ASXL3: variants seen among roughly 807,000 people sequenced by gnomAD.
ASXL3 encodes ASXL transcriptional regulator 3, also known as putative Polycomb group protein ASXL3.
A neutral mutation model predicts 170.6 loss-of-function variants in ASXL3; 34 were observed. The observed-to-expected ratio is 0.20, with a 90% CI of 0.15 to 0.27. The LOEUF (loss-of-function observed/expected upper bound fraction) is 0.27. Ranked by LOEUF, ASXL3 falls within the 10% of genes least tolerant of loss-of-function variation. The pLI, the probability that ASXL3 is intolerant of heterozygous loss-of-function variation, is 1.00. For synonymous variants in ASXL3, 1,002 were observed against 989.1 expected (o/e 1.01, Z -0.24); for missense variants, 2,592 against 2,695.3 (o/e 0.96, Z 0.85).
At chr18:33,724,944 T>G (rs1353397654) in intron 8 of ASXL3, among the ~76,000 whole-genome samples, 2 of 152,162 alleles carry the variant, frequency 1.3e-5, no homozygotes, top group Admixed American at 6.6e-5. Context: ...TATCTTTATG[T>G]TATTCTAAAG....
At chr18:33,698,931 C>A (rs571677910) in intron 8 of ASXL3, among the ~76,000 whole-genome samples, 2 of 152,174 alleles carry the variant, frequency 1.3e-5, no homozygotes, top group Admixed American at 1.3e-4. Context: ...GTGCTCATGG[C>A]CAAGGCTGTG....
intron 10 of ASXL3, among the ~76,000 whole-genome samples, chr18:33,735,937 T>G (rs2067538258): frequency 6.6e-6 from 1 of 152,148 alleles, no homozygotes; most frequent in African/African-American, 2.4e-5. Flanking sequence ...CAGAGAGCTT[T>G]CTTTCATGCA....
At chr18:33,600,421 T>A (rs918598858) in intron 1 of ASXL3, among the ~76,000 whole-genome samples, 3 of 152,140 alleles carry the variant, frequency 2.0e-5, no homozygotes, top group Non-Finnish European at 4.4e-5. Flanking sequence ...CTTGAAGTAC[T>A]GAAAAAACTT....
intron 5 of ASXL3, among the ~76,000 whole-genome samples, chr18:33,666,077 T>C (rs1336682729): frequency 1.3e-5 from 2 of 152,192 alleles, no homozygotes; most frequent in Admixed American, 1.3e-4. Context: ...GTTTGGACAG[T>C]GGAACATTAT....
chr18:33,608,211 C>A lies in ASXL3; in HGVS notation c.137+535C>A, dbSNP rs200962762. Among the ~76,000 whole-genome samples the A allele has an allele frequency of 3.9e-5, 6 of 151,988 alleles. No individual in the cohort carries two copies. In the East Asian group the frequency reaches 1.2e-3, roughly 30 times the overall value. ...TTATATTCACAAAGTTCTGCATCAT[C>A]AACATTATCAAACTTTAGAACATTT... On this transcript the variant is annotated intron_variant, in intron 2 of 11. Transcript: ENST00000269197.
At chr18:33,614,965 T>A (rs2065400353) in intron 2 of ASXL3, 1 of 152,134 alleles carries the variant, frequency 6.6e-6, no homozygotes, top group Admixed American at 6.6e-5. Flanking sequence ...AATGTTTAAG[T>A]GCTCTGGGAT....
rs184132563 is a variant in ASXL3 at position 33,609,037 on chromosome 18, A to G, written c.137+1361A>G. On this transcript the variant is annotated intron_variant, in intron 2 of 11. Coordinates refer to ENST00000269197, the MANE Select transcript of ASXL3 (RefSeq NM_030632.3). ...AATATAACCACGCTGTGTTTGTGCT[A>G]GTTGTTCCCCCAGAAAGTGGAGGCA... 1.6e-5 allele frequency: 16 copies of G among 984,852 alleles called. No individual in the cohort carries two copies. The African/African-American group carries it at 2.4e-4, about 15-fold the overall frequency. The allele number at this position is 984,852 out of a possible 1,614,324, so 61.0% of individuals were successfully genotyped here. A position where few individuals can be genotyped will look rare whatever the true frequency, so the allele number is the denominator to read the frequency against.
At chr18:33,593,522 G>C (rs2065098430) in intron 1 of ASXL3, among the ~76,000 whole-genome samples, 1 of 151,952 alleles carries the variant, frequency 6.6e-6, no homozygotes. Context: ...AAGAAAACTG[G>C]TCTTGAAAGC....
chr18:33,646,619 C>T (rs145174229), intron 4 of ASXL3, among the ~76,000 whole-genome samples: 7 of 151,810 alleles, frequency 4.6e-5, no homozygotes, highest in Non-Finnish European at 8.8e-5. Flanking sequence ...ACATATTTCT[C>T]CTGCAAAGTG....
chr18:33,661,246 T>A (rs150818174), intron 4 of ASXL3, among the ~76,000 whole-genome samples: 1 of 152,238 alleles, frequency 6.6e-6, no homozygotes, highest in African/African-American at 2.4e-5. Context: ...TATTGTTTTT[T>A]TTTGTTTGTT....
At chr18:33,642,880 G>A (rs17554042) in intron 2 of ASXL3, among the ~76,000 whole-genome samples, 12,384 of 151,748 alleles carry the variant, frequency 0.082, 575 homozygotes, top group African/African-American at 0.1. Flanking sequence ...GTACTTAGTC[G>A]TTGCCTTTAA....
intron 2 of ASXL3, among the ~76,000 whole-genome samples, chr18:33,638,729 C>T (rs532920402): frequency 6.6e-6 from 1 of 152,144 alleles, no homozygotes; most frequent in African/African-American, 2.4e-5. Context: ...ATCTCTGAAT[C>T]TCAGTCATGT....
intron 4 of ASXL3, among the ~76,000 whole-genome samples, chr18:33,660,229 G>A (rs1238085466): frequency 6.6e-6 from 1 of 152,034 alleles, no homozygotes; most frequent in Non-Finnish European, 1.5e-5. Flanking sequence ...AAAGCTGCAA[G>A]GATTAAATCA....
intron 1 of ASXL3, among the ~76,000 whole-genome samples, chr18:33,593,351 AGATTC>A (rs1168333099): frequency 6.9e-6 from 1 of 144,168 alleles, no homozygotes; most frequent in Non-Finnish European, 1.5e-5. Flanking sequence ...TCTGTCTCAG[AGATTC>A]CAGTCTATGT....
chr18:33,611,301 CAT>C (rs778122957), intron 2 of ASXL3, among the ~76,000 whole-genome samples: 9 of 151,824 alleles, frequency 5.9e-5, no homozygotes, highest in Admixed American at 4.6e-4. Context: ...GTCAGAAGGA[CAT>C]GTGGTTTTGT....
At chr18:33,702,463 A>G (rs2066889014) in intron 8 of ASXL3, among the ~76,000 whole-genome samples, 1 of 152,196 alleles carries the variant, frequency 6.6e-6, no homozygotes, top group Non-Finnish European at 1.5e-5. Context: ...ATGAAGGGGC[A>G]CAGCCTTGGT....
intron 1 of ASXL3, among the ~76,000 whole-genome samples, chr18:33,603,732 AAAAG>A (rs2065211305): frequency 6.6e-6 from 1 of 152,088 alleles, no homozygotes. Context: ...AAGTGAAGAA[AAAAG>A]AAAGTAGCTG....
chr18:33,674,519 GT>G (rs2088333171), intron 7 of ASXL3, among the ~76,000 whole-genome samples: 1 of 152,106 alleles, frequency 6.6e-6, no homozygotes, highest in African/African-American at 2.4e-5. Flanking sequence ...GAAGTCAGTA[GT>G]ACTTTCAAAG....
intron 2 of ASXL3, among the ~76,000 whole-genome samples, chr18:33,609,211 A>T (rs62090657): frequency 0.09 from 13,678 of 151,980 alleles, 698 homozygotes; most frequent in African/African-American, 0.12. Context: ...TAACCCTGGA[A>T]ATATTTATGA....
Sources: gnomAD v4.1 joint callset for allele counts (sites outside exome capture counted in the v4.1 genomes callset) on GRCh38, gnomAD v4.1.1 for gene constraint, MANE v1.5 for transcripts, NCBI Gene and HGNC (gene_info 2026-07-23, HGNC 2026-07-21) for gene names.